Variants in HOOK3 observed in about 807,000 individuals in gnomAD.
HOOK3 encodes the protein hook microtubule tethering protein 3.
HOOK3 carries 24 observed loss-of-function variants against 116.3 expected under a neutral mutation model. The observed-to-expected ratio is 0.21, with a 90% confidence interval of 0.15 to 0.29. HOOK3 has a LOEUF of 0.29. Ranked by LOEUF, HOOK3 falls within the 10% of genes least tolerant of loss-of-function variation. The probability of loss-of-function intolerance (pLI) is 1.00; values close to 1 mark genes in which losing one functional copy is unlikely to be tolerated. For missense variants in HOOK3, 632 were observed against 830.2 expected (o/e 0.76, Z 2.93); for synonymous variants, 275 against 283.0 (o/e 0.97, Z 0.28).
chr8:42,899,609 A>C lies in HOOK3; in HGVS notation c.57+2421A>C, dbSNP rs550493114. Among the ~76,000 whole-genome samples the C allele has an allele frequency of 6.6e-5, 10 of 152,340 alleles. 1 individual carries two copies. In the South Asian group the frequency reaches 2.1e-3, roughly 32 times the overall value. On this transcript the variant is annotated intron_variant, in intron 1 of 21. Coordinates refer to ENST00000307602, the MANE Select transcript of HOOK3 (RefSeq NM_032410.4). Reference sequence around the variant, plus strand: ...GATTAATGCTAAGCACAATTCTAAAACCAAATGCAAGCAAAAATGTACACA... The same window carrying C: ...GATTAATGCTAAGCACAATTCTAAACCCAAATGCAAGCAAAAATGTACACA...
At chr8:42,928,205 G>A (rs1807805898) in intron 3 of HOOK3, among the ~76,000 whole-genome samples, 1 of 152,162 alleles carries the variant, frequency 6.6e-6, no homozygotes, top group Non-Finnish European at 1.5e-5. Context: ...CTTGAACCTG[G>A]GAGGTGGAGG....
Position 42,905,917 on chromosome 8 carries a change from A to G in HOOK3, c.58-256A>G, listed in dbSNP as rs367795295. 1.1e-4 allele frequency among the ~76,000 whole-genome samples: 16 copies of G among 151,998 alleles called. No homozygotes were observed. In the East Asian group the frequency reaches 2.1e-3, roughly 20 times the overall value. On this transcript the variant is annotated intron_variant, in intron 1 of 21. Transcript: ENST00000307602. ...CCTGGCCAACATAGTGAAACCCTGT[A>G]TCTACTAAAGATACAGAAAATTAGC...
chr8:43,008,046 A>G lies in HOOK3; in HGVS notation c.1738+117A>G, dbSNP rs975078725. The G allele has an allele frequency of 1.1e-4, 45 of 423,906 alleles. 1 individual carries two copies. Among genetic ancestry groups the G allele is most frequent in the Non-Finnish European group, 1.5e-4 (39 of 253,888 alleles). The allele number at this position is 423,906 out of a possible 1,614,324, so 26.3% of individuals were successfully genotyped here. ...TTTATTTTTATTTTTTTTGAGATGA[A>G]GTCTCACTCTCACCCAGGCTGGAGT... On this transcript the variant is annotated intron_variant, in intron 18 of 21. Transcript: ENST00000307602.
At chr8:42,899,397 G>A (rs1221578202) in intron 1 of HOOK3, among the ~76,000 whole-genome samples, 2 of 152,112 alleles carry the variant, frequency 1.3e-5, no homozygotes, top group Non-Finnish European at 2.9e-5. Flanking sequence ...AAAATTGGAG[G>A]GCAGTGTTCA....
rs963087883 is a variant in HOOK3, at chr8:43,019,523, G to T, written c.*1025G>T. On this transcript the variant is annotated 3_prime_UTR_variant, in exon 22 of 22. Coordinates refer to ENST00000307602, the MANE Select transcript of HOOK3 (RefSeq NM_032410.4). The stretch of plus-strand genomic sequence containing the variant: ...CAGTCACTAACATTAGTAACTTCTT[G>T]TATGTTATATTATGGCAGATCTCTT... 13 of 203,996 alleles carry T rather than the reference G, an allele frequency of 6.4e-5. No individual in the cohort carries two copies. The highest frequency in any genetic ancestry group is 1.6e-4 in the African/African-American group (7 of 43,714). 12.6% of individuals were successfully genotyped at this position (203,996 alleles called of 1,614,324 possible).
At chr8:42,929,855 A>G (rs1807840854) in intron 3 of HOOK3, among the ~76,000 whole-genome samples, 1 of 152,202 alleles carries the variant, frequency 6.6e-6, no homozygotes, top group African/African-American at 2.4e-5. Context: ...GTTAAGTCTC[A>G]TTCAGTTACC....
intron 1 of HOOK3, among the ~76,000 whole-genome samples, chr8:42,901,383 A>AT (rs976228329): frequency 1.3e-5 from 2 of 152,240 alleles, no homozygotes; most frequent in Admixed American, 1.3e-4. Flanking sequence ...TATGTGACAG[A>AT]TTTTTAAAAA....
chr8:42,977,673 C>T (rs745389803), intron 13 of HOOK3, among the ~76,000 whole-genome samples: 71 of 152,184 alleles, frequency 4.7e-4, no homozygotes, highest in Admixed American at 2.1e-3. Flanking sequence ...CGGAGACCAG[C>T]CTGGCCAACA....
chr8:42,951,121 T>C (rs1451674623), intron 6 of HOOK3, among the ~76,000 whole-genome samples: 1 of 152,182 alleles, frequency 6.6e-6, no homozygotes, highest in Non-Finnish European at 1.5e-5. Flanking sequence ...CAGGCAATGG[T>C]GTGATCTTGG....
At chr8:43,005,258 T>TC (rs1484240171) in intron 17 of HOOK3, among the ~76,000 whole-genome samples, 2 of 144,292 alleles carry the variant, frequency 1.4e-5, no homozygotes, top group African/African-American at 5.1e-5. Context: ...TCTCGCTCTG[T>TC]CCCCCAGGCT....
intron 4 of HOOK3, among the ~76,000 whole-genome samples, chr8:42,940,944 T>G (rs1331130506): frequency 6.6e-6 from 1 of 151,942 alleles, no homozygotes; most frequent in African/African-American, 2.4e-5. Flanking sequence ...ATTTATTTAT[T>G]TACTTACTTA....
chr8:42,953,892 T>C (rs1406383300), intron 6 of HOOK3, among the ~76,000 whole-genome samples: 1 of 152,176 alleles, frequency 6.6e-6, no homozygotes, highest in Non-Finnish European at 1.5e-5. Flanking sequence ...GTGACCGAGA[T>C]AGCACTCAGG....
At chr8:42,903,767 A>T (rs1215844771) in intron 1 of HOOK3, among the ~76,000 whole-genome samples, 3 of 151,466 alleles carry the variant, frequency 2.0e-5, no homozygotes, top group Non-Finnish European at 4.4e-5. Context: ...CATCCTGGCC[A>T]ACACGGTGAA....
At chr8:42,952,213 T>C (rs1429704958) in intron 6 of HOOK3, among the ~76,000 whole-genome samples, 2 of 152,194 alleles carry the variant, frequency 1.3e-5, no homozygotes, top group East Asian at 3.8e-4. Flanking sequence ...TGTAATTTAC[T>C]AGAACAACTC....
At chr8:42,963,606 A>T (rs2130419829) in intron 8 of HOOK3, among the ~76,000 whole-genome samples, 1 of 152,306 alleles carries the variant, frequency 6.6e-6, no homozygotes, top group Non-Finnish European at 1.5e-5. Flanking sequence ...TATTTTCCAA[A>T]ATGTTTGAAA....
intron 19 of HOOK3, among the ~76,000 whole-genome samples, chr8:43,011,048 A>T (rs1474420931): frequency 2.0e-5 from 3 of 151,772 alleles, no homozygotes; most frequent in Non-Finnish European, 4.4e-5. Context: ...GCTGGAGTAC[A>T]GTGGCACGAT....
chr8:42,905,825 C>T (rs186061472), intron 1 of HOOK3, among the ~76,000 whole-genome samples: 1 of 151,142 alleles, frequency 6.6e-6, no homozygotes, highest in Non-Finnish European at 1.5e-5. Context: ...GTGGCTCACA[C>T]CTGTAATCCC....
Position 42,897,201 on chromosome 8 carries a change from C to T in HOOK3, c.57+13C>T. 8.1e-7 allele frequency: 1 copy of T among 1,241,054 alleles called. No individual in the cohort carries two copies. Among genetic ancestry groups the T allele is most frequent in the Admixed American group, 4.2e-5 (1 of 24,018 alleles). 76.9% of individuals were successfully genotyped at this position (1,241,054 alleles called of 1,614,324 possible). ...CCTCCTCACTTGGGTACGTGGGGGC[C>T]GCGGGCCGGCGGGAAGACCCCCTCC... On this transcript the variant is annotated intron_variant, in intron 1 of 21. Transcript: ENST00000307602.
At chr8:42,963,388 G>T (rs1405640348) in intron 8 of HOOK3, among the ~76,000 whole-genome samples, 1 of 152,150 alleles carries the variant, frequency 6.6e-6, no homozygotes, top group East Asian at 1.9e-4. Flanking sequence ...TTTGGATTTG[G>T]GATGCAAATC....
Sources: gnomAD v4.1 joint callset for allele counts (sites outside exome capture counted in the v4.1 genomes callset) on GRCh38, gnomAD v4.1.1 for gene constraint, MANE v1.5 for transcripts, NCBI Gene and HGNC (gene_info 2026-07-23, HGNC 2026-07-21) for gene names.